The following ANGPT1 variants were observed in gnomAD, a reference collection of about 807,000 sequenced individuals.
ANGPT1 encodes the protein angiopoietin 1.
In ANGPT1, 17 loss-of-function variants were observed where a neutral mutation model predicts 62.2. That is an observed-to-expected ratio of 0.27 (90% CI 0.19 to 0.41). The LOEUF (loss-of-function observed/expected upper bound fraction) is 0.41, where lower values mean the gene tolerates loss of function less well. Among genes scored for constraint, ANGPT1 ranks in the 10% least tolerant of loss-of-function variants. The pLI is 1.00. For missense variants in ANGPT1, 478 were observed against 594.9 expected (o/e 0.80, Z 2.04); for synonymous variants, 199 against 198.9 (o/e 1.00, Z 0.00).
At chr8:107,476,440 T>C (rs1027655754) in intron 1 of ANGPT1, among the ~76,000 whole-genome samples, 13 of 150,998 alleles carry the variant, frequency 8.6e-5, no homozygotes, top group African/African-American at 3.2e-4. Flanking sequence ...TGTCATGGGG[T>C]GGGGGGGAGC....
At chr8:107,277,741 G>T (rs1184934887) in intron 7 of ANGPT1, among the ~76,000 whole-genome samples, 1 of 152,168 alleles carries the variant, frequency 6.6e-6, no homozygotes, top group African/African-American at 2.4e-5. Flanking sequence ...GCTTTAATCT[G>T]AATCTAATCA....
rs1814055732 is a variant in ANGPT1 at position 107,283,108 on chromosome 8, AATT to A, written c.1205+1571_1205+1573del. ...CAGGAGCCTAGGAAAAGACTAGACT[AATT>A]ATTTGCTAGTCCTATTGTCAGGCTG... On this transcript the variant is annotated intron_variant, in intron 7 of 8. Coordinates refer to ENST00000517746, the MANE Select transcript of ANGPT1 (RefSeq NM_001146.5). 2.6e-5 allele frequency among the ~76,000 whole-genome samples: 4 copies of A among 152,276 alleles called. No homozygotes were observed. In the South Asian group the frequency reaches 8.3e-4, roughly 32 times the overall value.
At chr8:107,338,792 T>A (rs754229574) in intron 2 of ANGPT1, among the ~76,000 whole-genome samples, 1 of 152,216 alleles carries the variant, frequency 6.6e-6, no homozygotes, top group Non-Finnish European at 1.5e-5. Context: ...GATTTGTATT[T>A]GTTTATTGAG....
At chr8:107,393,461 T>C (rs1412916289) in intron 1 of ANGPT1, among the ~76,000 whole-genome samples, 2 of 152,184 alleles carry the variant, frequency 1.3e-5, no homozygotes, top group Non-Finnish European at 2.9e-5. Flanking sequence ...TCTCAATACA[T>C]ACAAATTTAA....
chr8:107,423,823 C>T (rs1293359012), intron 1 of ANGPT1, among the ~76,000 whole-genome samples: 2 of 100,314 alleles, frequency 2.0e-5, no homozygotes, highest in Non-Finnish European at 2.0e-5. Flanking sequence ...TTTCCTTTTC[C>T]TTTCTTTTTT....
intron 1 of ANGPT1, among the ~76,000 whole-genome samples, chr8:107,473,955 A>C (rs1175132973): frequency 6.6e-6 from 1 of 152,112 alleles, no homozygotes; most frequent in Non-Finnish European, 1.5e-5. Context: ...ATAGCCTACC[A>C]ACCAAAAAAA....
intron 3 of ANGPT1, among the ~76,000 whole-genome samples, chr8:107,326,209 A>T (rs1418179251): frequency 6.6e-6 from 1 of 152,160 alleles, no homozygotes; most frequent in Non-Finnish European, 1.5e-5. Context: ...TCTACAGCAC[A>T]GACATTCCAC....
At chr8:107,274,896 G>A (rs1037281891) in intron 7 of ANGPT1, among the ~76,000 whole-genome samples, 2 of 152,018 alleles carry the variant, frequency 1.3e-5, no homozygotes, top group African/African-American at 4.8e-5. Context: ...AGAGATTACA[G>A]TCTAATAATA....
At chr8:107,488,992 T>C (rs1422486570) in intron 1 of ANGPT1, among the ~76,000 whole-genome samples, 5 of 152,198 alleles carry the variant, frequency 3.3e-5, no homozygotes, top group South Asian at 4.1e-4. Flanking sequence ...AAGTCTCCAA[T>C]AATCTTGAAG....
At chr8:107,383,206 A>C (rs1304203093) in intron 1 of ANGPT1, among the ~76,000 whole-genome samples, 1 of 152,174 alleles carries the variant, frequency 6.6e-6, no homozygotes, top group Non-Finnish European at 1.5e-5. Flanking sequence ...TTGTATTTTT[A>C]GTGACCACAG....
chr8:107,253,274 G>A (rs1212688127), intron 8 of ANGPT1, among the ~76,000 whole-genome samples: 1 of 152,158 alleles, frequency 6.6e-6, no homozygotes, highest in African/African-American at 2.4e-5. Flanking sequence ...GGACAAAAAG[G>A]TTCTTGTTTG....
chr8:107,350,567 T>TGCTAGCA (rs1350261906), intron 1 of ANGPT1, among the ~76,000 whole-genome samples: 1 of 152,156 alleles, frequency 6.6e-6, no homozygotes, highest in Non-Finnish European at 1.5e-5. Flanking sequence ...AACTATTTCA[T>TGCTAGCA]GCTAGCATTC....
chr8:107,394,767 G>A (rs1272257000), intron 1 of ANGPT1, among the ~76,000 whole-genome samples: 1 of 151,982 alleles, frequency 6.6e-6, no homozygotes, highest in Non-Finnish European at 1.5e-5. Flanking sequence ...TTTCCTTTCT[G>A]TATTTATATT....
intron 1 of ANGPT1, among the ~76,000 whole-genome samples, chr8:107,422,138 G>A (rs1810910864): frequency 1.3e-5 from 2 of 151,976 alleles, no homozygotes; most frequent in South Asian, 2.1e-4. Context: ...ACATAAAATC[G>A]TTACCTTAGT....
chr8:107,260,479 G>GT (rs1813466216), intron 8 of ANGPT1, among the ~76,000 whole-genome samples: 1 of 151,450 alleles, frequency 6.6e-6, no homozygotes, highest in Non-Finnish European at 1.5e-5. Flanking sequence ...AGTTTAAAAA[G>GT]AAAAAAAAGG....
intron 2 of ANGPT1, among the ~76,000 whole-genome samples, chr8:107,345,899 A>G (rs777234044): frequency 4.4e-4 from 67 of 152,224 alleles, no homozygotes; most frequent in Non-Finnish European, 8.1e-4. Context: ...GTTAATTATT[A>G]GTGTTACTAA....
chr8:107,389,676 C>T (rs1008854696), intron 1 of ANGPT1, among the ~76,000 whole-genome samples: 1 of 152,104 alleles, frequency 6.6e-6, no homozygotes, highest in South Asian at 2.1e-4. Flanking sequence ...CAATTATATA[C>T]TGCCAAAGTA....
In ANGPT1 at chr8:107,458,213, T is replaced by C. The variant is rs114579828; in HGVS notation, c.297+39049A>G. 9.0e-3 allele frequency among the ~76,000 whole-genome samples: 1,365 copies of C among 152,280 alleles called. 17 individuals carry two copies. The highest frequency in any genetic ancestry group is 0.027 in the African/African-American group (1,132 of 41,548). Reference sequence around the variant, plus strand: ...CTGGACTTAATTGGGCATTTTATGATCACATTCTAACATGCAAGACTTATA... The same window carrying C: ...CTGGACTTAATTGGGCATTTTATGACCACATTCTAACATGCAAGACTTATA... On this transcript the variant is annotated intron_variant, in intron 1 of 8. Transcript: ENST00000517746.
intron 6 of ANGPT1, among the ~76,000 whole-genome samples, chr8:107,289,290 C>G (rs374659861): frequency 6.6e-6 from 1 of 152,052 alleles, no homozygotes; most frequent in South Asian, 2.1e-4. Flanking sequence ...TTAGTTTTTG[C>G]CAAAACCTGC....
Sources: gnomAD v4.1 joint callset for allele counts (sites outside exome capture counted in the v4.1 genomes callset) on GRCh38, gnomAD v4.1.1 for gene constraint, MANE v1.5 for transcripts, NCBI Gene and HGNC (gene_info 2026-07-23, HGNC 2026-07-21) for gene names.